Variants in L1CAM observed in about 807,000 individuals in gnomAD.
L1CAM encodes the protein neural cell adhesion molecule L1.
A neutral mutation model predicts 93.0 loss-of-function variants in L1CAM; 8 were observed. The ratio of observed to expected loss-of-function variants is 0.09; its 90% CI spans 0.05 to 0.16. The LOEUF is 0.16. L1CAM is among the 10% of genes least tolerant of loss of function. L1CAM has a pLI of 1.00. For synonymous variants in L1CAM, 453 were observed against 453.0 expected, an observed-to-expected ratio of 1.00 and a Z score of 0.00; for missense variants, 777 against 1,073.4, an observed-to-expected ratio of 0.72 and a Z score of 3.86.
intron 13 of L1CAM, 40 bp downstream of exon 13, chrX:153,868,521 C>T (rs781787447): frequency 1.5e-5 from 18 of 1,210,680 alleles, no homozygotes; most frequent in Non-Finnish European, 1.9e-5. Context: ...GACCCTCCCT[C>T]CCAGAGGCAC....
At chrX:153,866,570 A>G (rs2064715172) in intron 19 of L1CAM, 79 bp downstream of exon 19, 3 of 710,203 alleles carry the variant, frequency 4.2e-6, no homozygotes, top group Admixed American at 4.8e-5. Flanking sequence ...GCGCACACCA[A>G]TGCTGAGAGG....
At position 153,875,830 on chromosome X, in the gene L1CAM, C is replaced by T; in HGVS notation, c.7G>A (p.Val3Met). 1.7e-6 allele frequency: 2 copies of T among 1,208,633 alleles called. No individual in the cohort carries two copies. The highest frequency in any genetic ancestry group is 3.5e-5 in the South Asian group (2 of 56,908). The change falls in exon 2 of 29, where the codon GTG becomes ATG. Residue 3 changes from valine to methionine, a missense_variant. Val to Met is a conservative substitution (Grantham distance 21, BLOSUM62 1). This residue lies in a region of L1CAM where 574 missense variants were observed against 781.0 expected (regional missense o/e 0.73). Coordinates refer to ENST00000370060, the MANE Select transcript of L1CAM (RefSeq NM_001278116.2). MV[V>M]ALRYVWPLLL... ...AGAGGCCACACGTACCGCAGCGCCA[C>T]GACCATCTTTCCCGGCGGCACCGCG...
intron 1 of L1CAM, 133 bp downstream of exon 1, chrX:153,885,932 G>A: frequency 1.2e-6 from 1 of 805,500 alleles, no homozygotes. Flanking sequence ...TGGGGCTCCG[G>A]CAGCAACGCC....
chrX:153,875,524 T>C, intron 2 of L1CAM: 1 of 493,148 alleles, frequency 2.0e-6, no homozygotes, highest in Admixed American at 2.7e-5. Context: ...GGTGCTGAAA[T>C]CGCCCCGGCG....
chrX:153,876,493 C>G (rs147465969), intron 1 of L1CAM: 125 of 128,282 alleles, frequency 9.7e-4, no homozygotes, highest in African/African-American at 3.9e-3. Context: ...GGGGATGAAT[C>G]CCTGTATCTA....
intron 1 of L1CAM, among the ~76,000 whole-genome samples, chrX:153,878,702 C>A (rs1308386638): frequency 1.8e-5 from 2 of 111,949 alleles, no homozygotes; most frequent in South Asian, 3.7e-4. Context: ...AAGGACCCTC[C>A]TGCATGTCAG....
chrX:153,865,324 C>T lies in L1CAM; in HGVS notation c.2724G>A (p.Glu908=), dbSNP rs1255543764. ...CTCCCTCTGGGGTGCTGAAGGTGAACTCGCTGGCGGGCCCCGATCCTCGCC... is the reference window on the plus strand; with the variant it reads ...CTCCCTCTGGGGTGCTGAAGGTGAATTCGCTGGCGGGCCCCGATCCTCGCC... ...FNGRGSGPAS[E]FTFSTPEGVP... is the part of the protein sequence containing the mutation. Residue 908 remains glutamate, a synonymous_variant, in exon 21 of 29, where the codon GAG becomes GAA. Transcript: ENST00000370060. 8.3e-7 allele frequency: 1 copy of T among 1,209,227 alleles called. No individual in the cohort carries two copies. Among genetic ancestry groups the T allele is most frequent in the African/African-American group, 1.7e-5 (1 of 57,147 alleles).
In L1CAM at chrX:153,861,981, G is replaced by C. The variant is rs2064666081; in HGVS notation, c.*682C>G. The C allele has an allele frequency of 9.0e-6, 1 of 111,272 alleles. No individual in the cohort carries two copies. The highest frequency in any genetic ancestry group is 1.9e-5 in the Non-Finnish European group (1 of 52,969). The allele number at this position is 111,272 out of a possible 1,213,427, so 9.2% of individuals were successfully genotyped here. A position where few individuals can be genotyped will look rare whatever the true frequency, so the allele number is the denominator to read the frequency against. The stretch of plus-strand genomic sequence containing the variant: ...GGTGTGCCCGCCCCGCAGCCAGGTA[G>C]TGACGGAGGCCACTTGGATGTTGTG... On this transcript the variant is annotated 3_prime_UTR_variant, in exon 29 of 29. Transcript: ENST00000370060.
rs200671590 is a variant in L1CAM at position 153,870,481 on chromosome X, C to T, written c.713G>A (p.Arg238Lys). Reference protein sequence around the residue: ...RVKATNSMIDRKPRLLFPTNS... With the variant: ...RVKATNSMIDKKPRLLFPTNS... Reference sequence around the variant, plus strand: ...GGTGGGGAAGAGCAGGCGCGGCTTCCTGTCAATCATGCTGTTGGCTGCCAG... The same window carrying T: ...GGTGGGGAAGAGCAGGCGCGGCTTCTTGTCAATCATGCTGTTGGCTGCCAG... Residue 238 changes from arginine (R) to lysine (K), a missense_variant, in exon 8 of 29, where the codon AGG (arginine) becomes AAG (lysine). Transcript: ENST00000370060. 1 of 1,211,008 alleles carries T rather than the reference C, an allele frequency of 8.3e-7. No individual in the cohort carries two copies. The highest frequency in any genetic ancestry group is 1.8e-5 in the South Asian group (1 of 56,974).
intron 1 of L1CAM, among the ~76,000 whole-genome samples, chrX:153,877,169 C>T (rs1322144554): frequency 1.9e-5 from 2 of 106,152 alleles, no homozygotes; most frequent in African/African-American, 3.5e-5. Flanking sequence ...TAGGGCTGGG[C>T]GTGGTGGCTC....
rs1337045124 is a variant in L1CAM, at chrX:153,885,159, C to G, written c.-109+906G>C. 8.8e-5 allele frequency among the ~76,000 whole-genome samples: 10 copies of G among 113,266 alleles called. No individual in the cohort carries two copies. The Admixed American group carries it at 9.2e-4, about 10-fold the overall frequency. ...CCTGGAATGGAGGGAATAGGAATCG[C>G]TGACCCCTCCCATAACCGCACAGAG... is the stretch of plus-strand genomic sequence containing the variant. On this transcript the variant is annotated intron_variant, in intron 1 of 28. Coordinates refer to ENST00000370060, the MANE Select transcript of L1CAM (RefSeq NM_001278116.2).
intron 1 of L1CAM, 196 bp downstream of exon 1, chrX:153,885,869 T>A: frequency 1.4e-6 from 1 of 694,667 alleles, no homozygotes; most frequent in Non-Finnish European, 1.8e-6. Context: ...CCGGCATCCC[T>A]CCCCCGCCCC....
At chrX:153,875,161 A>G (rs1319966967) in intron 2 of L1CAM, among the ~76,000 whole-genome samples, 2 of 111,629 alleles carry the variant, frequency 1.8e-5, no homozygotes, top group Non-Finnish European at 3.8e-5. Context: ...AACCATAGAC[A>G]CATGCTCCAG....
Position 153,864,894 on chromosome X carries a change from G to A in L1CAM, c.2973C>T (p.Phe991=), listed in dbSNP as rs782661249. The A allele has an allele frequency of 8.2e-7, 1 of 1,212,445 alleles. No individual in the cohort carries two copies. Among genetic ancestry groups the A allele is most frequent in the Non-Finnish European group, 1.1e-6 (1 of 895,608 alleles). The change falls in exon 23 of 29, where the codon TTC becomes TTT. Residue 991 remains phenylalanine (F), a synonymous_variant. Transcript: ENST00000370060. ...CCTCTTTGGTGGTGGCCTGAAGCTGGAAGCGGTACCGCAGGTGGGGGCTGA... is the reference window on the plus strand; with the variant it reads ...CCTCTTTGGTGGTGGCCTGAAGCTGAAAGCGGTACCGCAGGTGGGGGCTGA... ...TDLSPHLRYR[F]QLQATTKEGP...
chrX:153,871,126 C>T lies in L1CAM; in HGVS notation c.454G>A (p.Glu152Lys). ...GGGTTGCAAGGCAGAACCACTGACT[C>T]CCCTTCCTCCACCTCCACGGGCTTC... ...TVKPVEVEEGESVVLPCNPPP... is the reference protein window; with the variant it reads ...TVKPVEVEEGKSVVLPCNPPP... Residue 152 changes from glutamate to lysine, a missense_variant, in exon 6 of 29, where the codon GAG (glutamate) becomes AAG (lysine). By Grantham distance (56) the Glu-to-Lys change is moderately conservative. Coordinates refer to ENST00000370060, the MANE Select transcript of L1CAM (RefSeq NM_001278116.2). 3 of 1,209,720 alleles carry T rather than the reference C, an allele frequency of 2.5e-6. No individual in the cohort carries two copies. The highest frequency in any genetic ancestry group is 3.4e-6 in the Non-Finnish European group (3 of 894,422).
At chrX:153,865,974 C>T in intron 19 of L1CAM, 155 bp from the exon 20 acceptor site, 1 of 468,814 alleles carries the variant, frequency 2.1e-6, no homozygotes. Context: ...AAGATCTCTT[C>T]CTGGACTGCT....
intron 17 of L1CAM, 21 bp downstream of exon 17, chrX:153,867,335 G>GCCCC (rs2064723093): frequency 8.4e-7 from 1 of 1,188,875 alleles, no homozygotes; most frequent in Non-Finnish European, 1.1e-6. Flanking sequence ...TGGCATGGGA[G>GCCCC]TGGGTGCCAC....
intron 2 of L1CAM, 141 bp from the exon 3 acceptor site, chrX:153,873,383 G>T: frequency 1.6e-6 from 1 of 637,276 alleles, no homozygotes; most frequent in East Asian, 3.3e-5. Context: ...GGAGGCCCTG[G>T]CAGTGGCAAC....
intron 1 of L1CAM, among the ~76,000 whole-genome samples, chrX:153,882,839 A>T (rs1444122113): frequency 8.9e-6 from 1 of 112,054 alleles, no homozygotes; most frequent in Non-Finnish European, 1.9e-5. Context: ...GCAGCTTTCC[A>T]ACCTGGGAAG....
Sources: gnomAD v4.1 joint callset for allele counts (sites outside exome capture counted in the v4.1 genomes callset) on GRCh38, gnomAD v4.1.1 for gene constraint, gnomAD v4.1.1 regional missense constraint, MANE v1.5 for transcripts, NCBI Gene and HGNC (gene_info 2026-07-23, HGNC 2026-07-21) for gene names.